Variants in OSBPL10 observed in about 807,000 individuals in gnomAD.
OSBPL10 encodes oxysterol binding protein like 10, also known as oxysterol-binding protein-related protein 10.
OSBPL10 carries 49 observed loss-of-function variants against 81.7 expected under a neutral mutation model. The ratio of observed to expected loss-of-function variants is 0.60; its 90% CI spans 0.48 to 0.76. The LOEUF is 0.76. Ranked by LOEUF, OSBPL10 falls within the 30% of genes least tolerant of loss-of-function variation. OSBPL10 has a pLI of 0.00. For synonymous variants in OSBPL10, 419 were observed against 383.6 expected (o/e 1.09, Z -1.08); for missense variants, 923 against 987.8 (o/e 0.93, Z 0.88).
At chr3:31,675,086 C>T (rs190247419) in intron 8 of OSBPL10, among the ~76,000 whole-genome samples, 10 of 152,254 alleles carry the variant, frequency 6.6e-5, no homozygotes, top group African/African-American at 2.4e-4. Context: ...TCCAGGCGAG[C>T]AATATGTCTC....
At chr3:31,727,201 C>T (rs1204746482) in intron 6 of OSBPL10, among the ~76,000 whole-genome samples, 1 of 152,010 alleles carries the variant, frequency 6.6e-6, no homozygotes, top group Non-Finnish European at 1.5e-5. Flanking sequence ...AGAATCCTAT[C>T]CAATATAGGA....
chr3:31,664,173 T>G lies in OSBPL10; in HGVS notation c.2156A>C (p.Glu719Ala). ...LRLGDIDAAT[E>A]QKRHLEEKQR... ...CTTCTCCTCCAGGTGCCGCTTCTGC[T>G]CGGTGGCTGCGTCAATGTCCCCCAG... Residue 719 changes from glutamate to alanine, a missense_variant, in exon 11 of 12, where the codon GAG (glutamate) becomes GCG (alanine). This residue lies in a region of OSBPL10 where 387 missense variants were observed against 436.3 expected (regional missense o/e 0.89). Coordinates refer to ENST00000396556, the MANE Select transcript of OSBPL10 (RefSeq NM_017784.5). 1.9e-6 allele frequency: 3 copies of G among 1,613,472 alleles called. No homozygotes were observed. The highest frequency in any genetic ancestry group is 1.7e-6 in the Non-Finnish European group (2 of 1,179,982).
At chr3:31,921,756 C>T (rs565007322) in intron 1 of OSBPL10, among the ~76,000 whole-genome samples, 148 of 152,200 alleles carry the variant, frequency 9.7e-4, no homozygotes, top group African/African-American at 3.2e-3. Flanking sequence ...CTTTCTTTTG[C>T]GGAGCACAGT....
chr3:31,887,587 A>G (rs1695770732), intron 1 of OSBPL10, among the ~76,000 whole-genome samples: 1 of 152,216 alleles, frequency 6.6e-6, no homozygotes, highest in Non-Finnish European at 1.5e-5. Flanking sequence ...GGGTAGAAAG[A>G]AAAGAAACTT....
Position 31,830,075 on chromosome 3 carries a change from T to A in OSBPL10, c.694A>T (p.Ser232Cys). The change falls in exon 4 of 12, where the codon AGT (serine) becomes TGT (cysteine). Residue 232 changes from serine to cysteine, a missense_variant. Physicochemically the swap from Ser to Cys is moderately radical, Grantham distance 112. This residue lies in a region of OSBPL10 where 514 missense variants were observed against 508.0 expected (regional missense o/e 1.01). Coordinates refer to ENST00000396556, the MANE Select transcript of OSBPL10 (RefSeq NM_017784.5). ...TCGTGAAGCTGGCCGGAATACTGAC[T>A]CTTGGCTCTTCGGGCGGCTGCAGGC... is the stretch of plus-strand genomic sequence containing the variant. ...KSPAAARRAK[S>C]QYSGQLHEVR... 6.2e-7 allele frequency: 1 copy of A among 1,613,910 alleles called. No homozygotes were observed.
chr3:32,022,646 A>G (rs1699371265), intron 2 of OSBPL10, among the ~76,000 whole-genome samples: 1 of 152,004 alleles, frequency 6.6e-6, no homozygotes, highest in Admixed American at 6.6e-5. Context: ...TTAGTTAGGC[A>G]TGGTGGCTGG....
chr3:31,740,817 A>AGAAAT (rs1697319956), intron 5 of OSBPL10, among the ~76,000 whole-genome samples: 1 of 144,534 alleles, frequency 6.9e-6, no homozygotes, highest in Non-Finnish European at 1.5e-5. Context: ...AGAAAAGAAA[A>AGAAAT]GAATGGTTAT....
At chr3:31,781,526 ACT>A (rs1244504901) in intron 4 of OSBPL10, among the ~76,000 whole-genome samples, 3 of 152,052 alleles carry the variant, frequency 2.0e-5, no homozygotes, top group Admixed American at 6.6e-5. Flanking sequence ...TCAAATTATC[ACT>A]GTTTGCTGAT....
At chr3:31,876,630 G>A (rs1462392661) in intron 2 of OSBPL10, 118 bp from the exon 3 acceptor site, 1 of 773,350 alleles carries the variant, frequency 1.3e-6, no homozygotes, top group Non-Finnish European at 2.2e-6. Flanking sequence ...GTAGCAAGAA[G>A]GTGGGGAAGC....
At chr3:32,040,463 C>T (rs1253524398) in intron 2 of OSBPL10, among the ~76,000 whole-genome samples, 2 of 152,154 alleles carry the variant, frequency 1.3e-5, no homozygotes, top group East Asian at 3.9e-4. Context: ...GTAGTCACAG[C>T]CACTCAGGAG....
At chr3:31,865,516 T>C (rs1191430860) in intron 3 of OSBPL10, among the ~76,000 whole-genome samples, 1 of 152,192 alleles carries the variant, frequency 6.6e-6, no homozygotes, top group Non-Finnish European at 1.5e-5. Context: ...AAGGCTTGTG[T>C]CTTCCCTAAA....
chr3:31,979,289 A>C (rs142320231), intron 1 of OSBPL10, among the ~76,000 whole-genome samples: 1 of 152,354 alleles, frequency 6.6e-6, no homozygotes, highest in African/African-American at 2.4e-5. Context: ...TCAAAAGTTA[A>C]GTGCAACTTC....
In OSBPL10 at chr3:31,772,456, A is replaced by G. The variant is rs577095839; in HGVS notation, c.730-24336T>C. ...GACTATAATCTTAAATGCAAAAACA[A>G]CTCATCTTGGTGGATTTTATTTTCC... On this transcript the variant is annotated intron_variant, in intron 4 of 11. Transcript: ENST00000396556. Among the ~76,000 whole-genome samples, 3 of 152,304 alleles carry G rather than the reference A, an allele frequency of 2.0e-5. No homozygotes were observed. In the South Asian group the frequency reaches 6.2e-4, roughly 32 times the overall value.
chr3:31,679,170 T>C (rs1172676687), intron 8 of OSBPL10, among the ~76,000 whole-genome samples: 2 of 152,190 alleles, frequency 1.3e-5, no homozygotes, highest in African/African-American at 2.4e-5. Context: ...CTTTTTTGCA[T>C]AGAAGACCCC....
At chr3:31,791,846 G>C (rs1316223355) in intron 4 of OSBPL10, among the ~76,000 whole-genome samples, 3 of 138,982 alleles carry the variant, frequency 2.2e-5, no homozygotes, top group South Asian at 2.2e-4. Context: ...CATTTACAAA[G>C]AGCAAAAAAA....
chr3:31,867,397 C>T lies in OSBPL10; in HGVS notation c.537+9036G>A, dbSNP rs187246748. Among the ~76,000 whole-genome samples, 8 of 152,162 alleles carry T rather than the reference C, an allele frequency of 5.3e-5. No homozygotes were observed. The East Asian group carries it at 1.5e-3, about 29-fold the overall frequency. ...TCCATACTGTTAGATGTATAAAATACCAGGAAACACTTCCCTTTATTTTCT... is the reference window on the plus strand; with the variant it reads ...TCCATACTGTTAGATGTATAAAATATCAGGAAACACTTCCCTTTATTTTCT... On this transcript the variant is annotated intron_variant, in intron 3 of 11. Transcript: ENST00000396556.
chr3:31,998,201 A>T (rs1699110197), intron 2 of OSBPL10, among the ~76,000 whole-genome samples: 1 of 152,202 alleles, frequency 6.6e-6, no homozygotes, highest in Non-Finnish European at 1.5e-5. Context: ...GTAAAGTACT[A>T]TGATGTGTGA....
chr3:31,836,068 G>C (rs1481364624), intron 3 of OSBPL10, among the ~76,000 whole-genome samples: 3 of 152,138 alleles, frequency 2.0e-5, no homozygotes, highest in African/African-American at 7.2e-5. Flanking sequence ...GTAGAAGTAA[G>C]ATTCTTAAAA....
At chr3:31,966,296 G>A (rs1202565529) in intron 1 of OSBPL10, among the ~76,000 whole-genome samples, 1 of 151,356 alleles carries the variant, frequency 6.6e-6, no homozygotes, top group Middle Eastern at 3.4e-3. Flanking sequence ...ATCAAAATGT[G>A]TGAGTGCAAC....
Sources: allele counts gnomAD v4.1 joint callset (sites outside exome capture counted in the v4.1 genomes callset), GRCh38; gene constraint gnomAD v4.1.1; regional missense constraint gnomAD v4.1.1; transcripts MANE v1.5; gene names NCBI Gene and HGNC (gene_info 2026-07-23, HGNC 2026-07-21).